TBC1D32: variants seen among roughly 807,000 people sequenced by gnomAD.
The protein encoded by TBC1D32 is protein broad-minded.
A neutral mutation model predicts 170.3 loss-of-function variants in TBC1D32; 151 were observed. The observed-to-expected ratio is 0.89, with a 90% confidence interval of 0.78 to 1.01. The LOEUF is 1.01. Among genes scored for constraint, TBC1D32 ranks in the 50% least tolerant of loss-of-function variants. TBC1D32 has a pLI of 0.00. For synonymous variants in TBC1D32, 498 were observed against 488.0 expected (o/e 1.02, Z -0.27); for missense variants, 1,464 against 1,457.1 (o/e 1.00, Z -0.08).
chr6:121,177,121 A>G (rs984161836), intron 22 of TBC1D32, among the ~76,000 whole-genome samples: 4 of 152,116 alleles, frequency 2.6e-5, no homozygotes, highest in African/African-American at 9.7e-5. Context: ...GCTTATCAGT[A>G]GCTGATATAG....
chr6:121,287,268 C>T (rs1353935945), intron 12 of TBC1D32, among the ~76,000 whole-genome samples: 2 of 151,996 alleles, frequency 1.3e-5, no homozygotes, highest in Admixed American at 6.6e-5. Flanking sequence ...ACCTAACGTA[C>T]AGAGAAACAC....
intron 20 of TBC1D32, among the ~76,000 whole-genome samples, chr6:121,237,355 T>C (rs758441638): frequency 2.0e-5 from 3 of 151,962 alleles, no homozygotes; most frequent in African/African-American, 4.8e-5. Context: ...ATGATGAGCC[T>C]TAGTGTAGTT....
intron 1 of TBC1D32, among the ~76,000 whole-genome samples, chr6:121,332,046 T>C (rs949162434): frequency 6.6e-6 from 1 of 152,188 alleles, no homozygotes; most frequent in African/African-American, 2.4e-5. Flanking sequence ...TAACTGTGCA[T>C]GTCATGCAAC....
chr6:121,196,433 C>G (rs1358196811), intron 22 of TBC1D32, among the ~76,000 whole-genome samples: 1 of 152,230 alleles, frequency 6.6e-6, no homozygotes, highest in Non-Finnish European at 1.5e-5. Flanking sequence ...TACAATGGAC[C>G]TCTTCCATTA....
intron 24 of TBC1D32, among the ~76,000 whole-genome samples, chr6:121,140,611 G>A (rs912640658): frequency 6.6e-6 from 1 of 151,966 alleles, no homozygotes; most frequent in African/African-American, 2.4e-5. Context: ...GATGGAGAAG[G>A]TAGTCAAGTA....
chr6:121,318,591 CCTGA>C (rs1457323647), intron 2 of TBC1D32, among the ~76,000 whole-genome samples: 6 of 151,788 alleles, frequency 4.0e-5, no homozygotes, highest in African/African-American at 7.3e-5. Flanking sequence ...GAATGGGGAT[CCTGA>C]CTATTTTACC....
At chr6:121,286,158 G>A (rs903241399) in intron 12 of TBC1D32, among the ~76,000 whole-genome samples, 21 of 152,274 alleles carry the variant, frequency 1.4e-4, no homozygotes, top group African/African-American at 5.1e-4. Context: ...GACGAGTTGA[G>A]AGAGGAAGCC....
At chr6:121,177,728 A>G (rs1169397894) in intron 22 of TBC1D32, among the ~76,000 whole-genome samples, 2 of 152,180 alleles carry the variant, frequency 1.3e-5, no homozygotes, top group Non-Finnish European at 2.9e-5. Flanking sequence ...GCTTTGTGTA[A>G]TAAGGTTTAT....
intron 21 of TBC1D32, among the ~76,000 whole-genome samples, chr6:121,206,383 A>G (rs1034898987): frequency 1.3e-5 from 2 of 152,152 alleles, no homozygotes; most frequent in Admixed American, 1.3e-4. Flanking sequence ...AATTCAGGAT[A>G]TTTCTGTTAC....
chr6:121,143,469 T>C (rs73768929), intron 24 of TBC1D32, among the ~76,000 whole-genome samples: 4,906 of 152,246 alleles, frequency 0.032, 267 homozygotes, highest in African/African-American at 0.11. Flanking sequence ...ACAGATGAGA[T>C]GCTAACTGTA....
chr6:121,320,026 T>C (rs1327265689), intron 2 of TBC1D32, among the ~76,000 whole-genome samples: 2 of 152,086 alleles, frequency 1.3e-5, no homozygotes, highest in Non-Finnish European at 2.9e-5. Context: ...CTTCCACTCA[T>C]TATATGAGGA....
At chr6:121,321,570 G>C (rs1809710903) in intron 2 of TBC1D32, 63 bp downstream of exon 2, 1 of 1,475,370 alleles carries the variant, frequency 6.8e-7, no homozygotes, top group South Asian at 1.3e-5. Context: ...ACAGAGATCA[G>C]GGTGCTGTCA....
At chr6:121,122,992 G>A (rs1350229854) in intron 26 of TBC1D32, among the ~76,000 whole-genome samples, 1 of 151,914 alleles carries the variant, frequency 6.6e-6, no homozygotes, top group African/African-American at 2.4e-5. Flanking sequence ...GGAATGAGTG[G>A]GTTAGATTTA....
At chr6:121,235,279 T>G (rs1437882068) in intron 20 of TBC1D32, among the ~76,000 whole-genome samples, 3 of 152,142 alleles carry the variant, frequency 2.0e-5, no homozygotes, top group Non-Finnish European at 2.9e-5. Context: ...GCATTCAGGA[T>G]TCTCAGGCAG....
intron 24 of TBC1D32, among the ~76,000 whole-genome samples, chr6:121,148,485 C>T (rs1375109696): frequency 2.6e-5 from 4 of 151,692 alleles, no homozygotes; most frequent in Non-Finnish European, 5.9e-5. Context: ...ACTTAAAATC[C>T]TCTGGGTATA....
chr6:121,170,478 C>T, intron 22 of TBC1D32: 1 of 1,607,550 alleles, frequency 6.2e-7, no homozygotes, highest in Non-Finnish European at 8.5e-7. Flanking sequence ...TGATACTGAG[C>T]CTCTAACAGG....
chr6:121,099,725 G>A (rs967605555), intron 30 of TBC1D32, among the ~76,000 whole-genome samples: 2 of 151,824 alleles, frequency 1.3e-5, no homozygotes, highest in Non-Finnish European at 1.5e-5. Flanking sequence ...GCAATGATAC[G>A]ATTTCTTAAG....
intron 1 of TBC1D32, among the ~76,000 whole-genome samples, chr6:121,325,687 G>C (rs1373557196): frequency 6.6e-6 from 1 of 152,110 alleles, no homozygotes; most frequent in Non-Finnish European, 1.5e-5. Flanking sequence ...GAAAACTTGG[G>C]CAATATCATT....
At chr6:121,236,217 T>C (rs941356929) in intron 20 of TBC1D32, among the ~76,000 whole-genome samples, 2 of 151,958 alleles carry the variant, frequency 1.3e-5, no homozygotes, top group South Asian at 2.1e-4. Flanking sequence ...TACTGTCCAA[T>C]AGAACTTTCT....
Sources: gnomAD v4.1 joint callset for allele counts (sites outside exome capture counted in the v4.1 genomes callset) on GRCh38, gnomAD v4.1.1 for gene constraint, MANE v1.5 for transcripts, NCBI Gene and HGNC (gene_info 2026-07-23, HGNC 2026-07-21) for gene names.